Variants in SCHIP1 observed in about 807,000 individuals in gnomAD.
The protein encoded by SCHIP1 is schwannomin-interacting protein 1.
A neutral mutation model predicts 29.7 loss-of-function variants in SCHIP1; 8 were observed. The observed-to-expected ratio is 0.27, with a 90% CI of 0.16 to 0.49. SCHIP1 has a LOEUF of 0.49. SCHIP1 is among the 20% of genes least tolerant of loss of function. The probability of loss-of-function intolerance (pLI) is 0.99; values close to 1 mark genes in which losing one functional copy is unlikely to be tolerated. For missense variants in SCHIP1, 193 were observed against 294.6 expected (o/e 0.66, Z 2.52); for synonymous variants, 76 against 94.9 (o/e 0.80, Z 1.16).
the SCHIP1 span, among the ~76,000 whole-genome samples, chr3:159,652,215 C>T: frequency 6.6e-6 from 1 of 152,144 alleles, no homozygotes; most frequent in Non-Finnish European, 1.5e-5. Flanking sequence ...TTTGTTAGAA[C>T]ACCTTCAATA....
At chr3:159,362,819 A>T in the SCHIP1 span, among the ~76,000 whole-genome samples, 1 of 152,208 alleles carries the variant, frequency 6.6e-6, no homozygotes, top group Non-Finnish European at 1.5e-5. Flanking sequence ...GTCTCTACAC[A>T]GGTGGCCCCT....
Position 159,896,723 on chromosome 3 carries a change from A to G in SCHIP1, c.684A>G (p.Arg228=), listed in dbSNP as rs199884410. 113 of 1,602,970 alleles carry G rather than the reference A, an allele frequency of 7.0e-5. No homozygotes were observed. The Middle Eastern group carries it at 1.7e-3, about 24-fold the overall frequency. Reference sequence around the variant, plus strand: ...AATAATTGTATTAATTGTTTTACAGACATGCTGAAAGTCAGCAGAAGCACA... The same window carrying G: ...AATAATTGTATTAATTGTTTTACAGGCATGCTGAAAGTCAGCAGAAGCACA... Residue 228 remains arginine (R), a splice_region_variant and synonymous_variant, in exon 7 of 7, where the codon AGA becomes AGG. Coordinates refer to ENST00000445224, the Ensembl canonical transcript of SCHIP1.
At chr3:159,829,162 T>C in the SCHIP1 span, among the ~76,000 whole-genome samples, 1 of 152,134 alleles carries the variant, frequency 6.6e-6, no homozygotes, top group East Asian at 1.9e-4. Context: ...TAAAATACTA[T>C]GGGAAAAATA....
At chr3:159,662,360 AAATT>A in the SCHIP1 span, among the ~76,000 whole-genome samples, 1 of 152,146 alleles carries the variant, frequency 6.6e-6, no homozygotes, top group Non-Finnish European at 1.5e-5. Context: ...CTTGCTGAGA[AAATT>A]AAATTTACGT....
the SCHIP1 span, among the ~76,000 whole-genome samples, chr3:159,512,651 A>G: frequency 6.6e-6 from 1 of 152,254 alleles, no homozygotes; most frequent in Non-Finnish European, 1.5e-5. Flanking sequence ...TGAAACACGA[A>G]CATCATGGAG....
the SCHIP1 span, among the ~76,000 whole-genome samples, chr3:159,426,420 A>G: frequency 6.6e-6 from 1 of 152,236 alleles, no homozygotes. Flanking sequence ...ATGCAAATAA[A>G]CTAGAAAATC....
the SCHIP1 span, among the ~76,000 whole-genome samples, chr3:159,823,676 G>C: frequency 2.0e-5 from 3 of 152,242 alleles, no homozygotes; most frequent in South Asian, 4.2e-4. Context: ...TTCCTTCCCA[G>C]ACTGAAAACC....
chr3:159,684,364 C>G, the SCHIP1 span, among the ~76,000 whole-genome samples: 1 of 152,176 alleles, frequency 6.6e-6, no homozygotes, highest in Non-Finnish European at 1.5e-5. Flanking sequence ...TATCTCCTGA[C>G]AACATTGGTG....
the SCHIP1 span, among the ~76,000 whole-genome samples, chr3:159,674,598 T>TAAAAA: frequency 6.1e-4 from 33 of 53,970 alleles, 1 homozygote; most frequent in African/African-American, 2.0e-3. Flanking sequence ...GGGTCAGGAT[T>TAAAAA]AAAAAAAAAA....
the SCHIP1 span, among the ~76,000 whole-genome samples, chr3:159,565,172 T>C: frequency 6.6e-6 from 1 of 152,290 alleles, no homozygotes; most frequent in South Asian, 2.1e-4. Context: ...AGTGCTCAGC[T>C]CATAGGTAGG....
chr3:159,549,360 T>TC, the SCHIP1 span, among the ~76,000 whole-genome samples: 1 of 152,124 alleles, frequency 6.6e-6, no homozygotes, highest in African/African-American at 2.4e-5. Context: ...AATGTTTGTG[T>TC]CCCCCCACAA....
the SCHIP1 span, among the ~76,000 whole-genome samples, chr3:159,704,882 TTCTTTCTTTC>T: frequency 5.6e-3 from 444 of 79,036 alleles, 26 homozygotes; most frequent in South Asian, 0.17. Context: ...CTTTCTTTCT[TTCTTTCTTTC>T]TTTCTTTCTT....
the SCHIP1 span, among the ~76,000 whole-genome samples, chr3:159,413,366 T>C: frequency 2.0e-5 from 3 of 152,170 alleles, no homozygotes; most frequent in South Asian, 6.2e-4. Flanking sequence ...TTGATCTTTT[T>C]ATAACTTACT....
At chr3:159,541,538 T>A in the SCHIP1 span, among the ~76,000 whole-genome samples, 2 of 151,962 alleles carry the variant, frequency 1.3e-5, no homozygotes, top group Non-Finnish European at 2.9e-5. Context: ...CTATTTCCCT[T>A]GTGGCTGATA....
the SCHIP1 span, among the ~76,000 whole-genome samples, chr3:159,404,115 T>A: frequency 6.6e-6 from 1 of 152,126 alleles, no homozygotes; most frequent in Admixed American, 6.5e-5. Context: ...GGGCCCTGAA[T>A]AATTAGTAGC....
At chr3:159,393,013 T>A in the SCHIP1 span, among the ~76,000 whole-genome samples, 1 of 152,220 alleles carries the variant, frequency 6.6e-6, no homozygotes, top group African/African-American at 2.4e-5. Context: ...TTCTAACTGG[T>A]GTGAGATGGT....
At chr3:159,320,061 G>A in the SCHIP1 span, among the ~76,000 whole-genome samples, 1 of 152,232 alleles carries the variant, frequency 6.6e-6, no homozygotes, top group African/African-American at 2.4e-5. Context: ...CACGAAGACA[G>A]AGCATTTTAA....
At chr3:159,743,277 T>C in the SCHIP1 span, among the ~76,000 whole-genome samples, 3 of 152,168 alleles carry the variant, frequency 2.0e-5, no homozygotes, top group African/African-American at 7.2e-5. Flanking sequence ...TAAAAATATC[T>C]CTATGTTTTA....
the SCHIP1 span, among the ~76,000 whole-genome samples, chr3:159,406,147 C>T: frequency 9.0e-4 from 136 of 151,596 alleles, 3 homozygotes; most frequent in East Asian, 0.025. Context: ...ACAGATTTAT[C>T]CAAAGAGACT....
Sources: gnomAD v4.1 joint callset for allele counts (sites outside exome capture counted in the v4.1 genomes callset) on GRCh38, gnomAD v4.1.1 for gene constraint, MANE v1.5 for transcripts, NCBI Gene and HGNC (gene_info 2026-07-23, HGNC 2026-07-21) for gene names.